Variants in FCRL4 observed in about 807,000 individuals in gnomAD.
FCRL4 encodes Fc receptor like 4.
A neutral mutation model predicts 64.1 loss-of-function variants in FCRL4; 43 were observed. The observed-to-expected ratio is 0.67, with a 90% CI of 0.53 to 0.87. The LOEUF (loss-of-function observed/expected upper bound fraction) is 0.87, where lower values mean the gene tolerates loss of function less well. Among genes scored for constraint, FCRL4 ranks in the 40% least tolerant of loss-of-function variants. The probability of loss-of-function intolerance (pLI) is 0.00; values close to 1 mark genes in which losing one functional copy is unlikely to be tolerated. For synonymous variants in FCRL4, 253 were observed against 239.8 expected, an observed-to-expected ratio of 1.05 and a Z score of -0.51; for missense variants, 656 against 613.5, an observed-to-expected ratio of 1.07 and a Z score of -0.73.
chr1:157,584,568 GCTCAGT>G (rs1188886632), intron 6 of FCRL4, among the ~76,000 whole-genome samples: 2 of 152,004 alleles, frequency 1.3e-5, no homozygotes, highest in South Asian at 2.1e-4. Context: ...AATGACATTA[GCTCAGT>G]CTCAGTCCTT....
Position 157,596,522 on chromosome 1 carries a change from T to C in FCRL4, c.32-174A>G, listed in dbSNP as rs189156114. Among the ~76,000 whole-genome samples, 90 of 152,286 alleles carry C rather than the reference T, an allele frequency of 5.9e-4. 1 individual carries two copies. The East Asian group carries it at 0.017, about 28-fold the overall frequency. On this transcript the variant is annotated intron_variant, in intron 1 of 11. Transcript: ENST00000271532. ...GTGGCCAGACGCTCAGGCTGTGGAC[T>C]CAGACAGTCTGGTTTGAATTTTAGC...
chr1:157,580,567 C>T (rs2779159), intron 7 of FCRL4: 207,670 of 543,618 alleles, frequency 0.38, 43,813 homozygotes, highest in African/African-American at 0.73. Context: ...ATGTAATTGT[C>T]TGAGAATTTA....
Position 157,581,535 on chromosome 1 carries a change from C to T in FCRL4, c.1245G>A (p.Lys415=). The change falls in exon 7 of 12, where the codon AAG becomes AAA. Residue 415 remains lysine (K), a synonymous_variant. Coordinates refer to ENST00000271532, the MANE Select transcript of FCRL4 (RefSeq NM_031282.3). ...GGCAAAGAAAAGAGCACAAACCTGA[C>T]TTCCTCCGACGCCAGCAGTGAAACA... The part of the protein sequence containing the change: ...ALLFHCWRRR[K]SGVGFLGDET... 1 of 1,613,816 alleles carries T rather than the reference C, an allele frequency of 6.2e-7. No individual in the cohort carries two copies. The highest frequency in any genetic ancestry group is 1.7e-5 in the Admixed American group (1 of 60,024).
intron 2 of FCRL4, among the ~76,000 whole-genome samples, chr1:157,590,518 C>A (rs1009751766): frequency 6.8e-5 from 9 of 132,392 alleles, no homozygotes; most frequent in East Asian, 4.3e-4. Context: ...GTTAGTCTGT[C>A]TTTTTTTTTT....
intron 5 of FCRL4, 39 bp from the exon 6 acceptor site, chr1:157,586,494 A>AAGG: frequency 6.4e-7 from 1 of 1,568,906 alleles, no homozygotes; most frequent in Non-Finnish European, 8.6e-7. Context: ...GTCGGGTGTG[A>AAGG]AGGAGGGCAG....
Position 157,589,323 on chromosome 1 carries a change from C to G in FCRL4, c.188G>C (p.Trp63Ser). 1 of 1,614,164 alleles carries G rather than the reference C, an allele frequency of 6.2e-7. No homozygotes were observed. The highest frequency in any genetic ancestry group is 8.5e-7 in the Non-Finnish European group (1 of 1,180,034). ...EKTTWYHRHY[W>S]GEKLTLTPGN... is the part of the protein sequence containing the mutation. The stretch of plus-strand genomic sequence containing the variant: ...TGGGGTCAGGGTCAACTTTTCTCCC[C>G]AGTAGTGCCGATGATACCATGTTGT... Residue 63 changes from tryptophan to serine, a missense_variant, in exon 3 of 12, where the codon TGG becomes TCG. Coordinates refer to ENST00000271532, the MANE Select transcript of FCRL4 (RefSeq NM_031282.3).
chr1:157,580,951 G>T lies in FCRL4; in HGVS notation c.1249+580C>A, dbSNP rs374184946. Among the ~76,000 whole-genome samples the T allele has an allele frequency of 2.4e-4, 36 of 152,312 alleles. No homozygotes were observed. The East Asian group carries it at 6.2e-3, about 26-fold the overall frequency. On this transcript the variant is annotated intron_variant, in intron 7 of 11. Coordinates refer to ENST00000271532, the MANE Select transcript of FCRL4 (RefSeq NM_031282.3). Reference sequence around the variant, plus strand: ...TGAGGCAAGAAGTCTTTGGAAGCACGCAGCAAACAGTGCCTGGGACAGACC... The same window carrying T: ...TGAGGCAAGAAGTCTTTGGAAGCACTCAGCAAACAGTGCCTGGGACAGACC...
At chr1:157,577,632 T>A (rs1652444820) in intron 10 of FCRL4, among the ~76,000 whole-genome samples, 1 of 152,156 alleles carries the variant, frequency 6.6e-6, no homozygotes, top group South Asian at 2.1e-4. Context: ...GACCAACAGT[T>A]CTGTTTTACT....
intron 10 of FCRL4, 30 bp downstream of exon 10, chr1:157,578,440 AGTTT>A (rs1652464106): frequency 1.3e-6 from 2 of 1,534,062 alleles, no homozygotes; most frequent in East Asian, 4.5e-5. Flanking sequence ...GAATGAATAT[AGTTT>A]GCAGCCAGAA....
chr1:157,589,218 A>G lies in FCRL4; in HGVS notation c.293T>C (p.Leu98Ser), dbSNP rs760293038. 6.2e-7 allele frequency: 1 copy of G among 1,613,228 alleles called. No individual in the cohort carries two copies. The highest frequency in any genetic ancestry group is 1.1e-5 in the South Asian group (1 of 91,000). ...RGSPRSNPVRLLFSSDSLILQ... is the reference protein window; with the variant it reads ...RGSPRSNPVRSLFSSDSLILQ... ...TTCTTTCTCACCTGAAGAAAAGAGC[A>G]AGCGCACAGGGTTACTTCGTGGGGA... The change falls in exon 3 of 12, where the codon TTG becomes TCG. Residue 98 changes from leucine (L) to serine (S), a missense_variant. Leu to Ser is a moderately radical substitution (Grantham distance 145, BLOSUM62 -2). Coordinates refer to ENST00000271532, the MANE Select transcript of FCRL4 (RefSeq NM_031282.3).
chr1:157,587,386 A>T lies in FCRL4; in HGVS notation c.737T>A (p.Leu246His). 1 of 1,614,208 alleles carries T rather than the reference A, an allele frequency of 6.2e-7. No homozygotes were observed. The highest frequency in any genetic ancestry group is 8.5e-7 in the Non-Finnish European group (1 of 1,180,036). The change falls in exon 5 of 12, where the codon CTC becomes CAC. Residue 246 changes from leucine (L) to histidine (H), a missense_variant. Coordinates refer to ENST00000271532, the MANE Select transcript of FCRL4 (RefSeq NM_031282.3). Reference sequence around the variant, plus strand: ...TTCTCTCCAGACGGTTGGGAGCTGGAGTTCCGGGTACGTGCTCCAGTCTGA... The same window carrying T: ...TTCTCTCCAGACGGTTGGGAGCTGGTGTTCCGGGTACGTGCTCCAGTCTGA... ...ILSDWSTYPE[L>H]QLPTVWRENS... is the part of the protein sequence containing the mutation.
intron 2 of FCRL4, among the ~76,000 whole-genome samples, chr1:157,591,006 A>G (rs2777961): frequency 6.6e-6 from 1 of 152,128 alleles, no homozygotes; most frequent in Non-Finnish European, 1.5e-5. Context: ...CCCCAAATAT[A>G]CCAATAAGGC....
intron 4 of FCRL4, 121 bp downstream of exon 4, chr1:157,587,744 A>G: frequency 1.7e-6 from 2 of 1,164,738 alleles, no homozygotes; most frequent in Non-Finnish European, 2.4e-6. Context: ...TCTGCCTCTT[A>G]GAGGATTTGT....
chr1:157,574,766 A>G lies in FCRL4; in HGVS notation c.*758T>C, dbSNP rs1652362600. 4.8e-6 allele frequency: 1 copy of G among 210,210 alleles called. No individual in the cohort carries two copies. Among genetic ancestry groups the G allele is most frequent in the African/African-American group, 2.3e-5 (1 of 44,080 alleles). 13.0% of individuals were successfully genotyped at this position (210,210 alleles called of 1,614,324 possible). On this transcript the variant is annotated 3_prime_UTR_variant, in exon 12 of 12. Transcript: ENST00000271532. ...GAGTTTATTATGAGTTTATACTAAT[A>G]TTTTAAGTTCAAATTTAGTTTTGGA...
In FCRL4 at chr1:157,587,928, A is replaced by G. The variant is rs374386066; in HGVS notation, c.499T>C (p.Cys167Arg). 1.6e-5 allele frequency: 25 copies of G among 1,611,864 alleles called. No homozygotes were observed. The highest frequency in any genetic ancestry group is 2.0e-5 in the Non-Finnish European group (24 of 1,178,460). ...ASSNNNGNYR[C>R]IGYGDENDVF... Reference sequence around the variant, plus strand: ...TCATTCTCGTCTCCATATCCAATGCATCGATAATTGCCATTGTTATTTGAA... The same window carrying G: ...TCATTCTCGTCTCCATATCCAATGCGTCGATAATTGCCATTGTTATTTGAA... The change falls in exon 4 of 12, where the codon TGC becomes CGC. Residue 167 changes from cysteine to arginine, a missense_variant. Coordinates refer to ENST00000271532, the MANE Select transcript of FCRL4 (RefSeq NM_031282.3).
chr1:157,590,899 T>C (rs1652824774), intron 2 of FCRL4, among the ~76,000 whole-genome samples: 1 of 152,146 alleles, frequency 6.6e-6, no homozygotes, highest in African/African-American at 2.4e-5. Flanking sequence ...CTTGCCCTCT[T>C]AAGGTTTGCT....
In FCRL4 at chr1:157,587,870, A is replaced by C; in HGVS notation, c.557T>G (p.Ile186Ser). 1.2e-6 allele frequency: 2 copies of C among 1,604,330 alleles called. No individual in the cohort carries two copies. The highest frequency in any genetic ancestry group is 1.7e-6 in the Non-Finnish European group (2 of 1,172,906). ...ATATGAACTGAAAGATTCACCTTGA[A>C]TTTTAATTATTTTGAAATTTGATCT... ...VFRSNFKIIK[I>S]QELFPHPELK... Residue 186 changes from isoleucine (I) to serine (S), a missense_variant, in exon 4 of 12, where the codon ATT becomes AGT. Physicochemically the swap from Ile to Ser is moderately radical, Grantham distance 142 (BLOSUM62 -2). Coordinates refer to ENST00000271532, the MANE Select transcript of FCRL4 (RefSeq NM_031282.3).
intron 2 of FCRL4, among the ~76,000 whole-genome samples, chr1:157,595,969 C>T (rs1046237476): frequency 6.6e-6 from 1 of 152,200 alleles, no homozygotes; most frequent in East Asian, 1.9e-4. Flanking sequence ...CCCAGCCTCC[C>T]CCTCTGAAGT....
chr1:157,585,346 CTTTCTTTCTTTCTTTCTT>C (rs1199875527), intron 6 of FCRL4, among the ~76,000 whole-genome samples: 1 of 29,968 alleles, frequency 3.3e-5, no homozygotes, highest in African/African-American at 8.4e-5. Flanking sequence ...TTCTCTCTCT[CTTTCTTTCTTTCTTTCTT>C]TCTTTCTTTC....
Sources: gnomAD v4.1 joint callset for allele counts (sites outside exome capture counted in the v4.1 genomes callset) on GRCh38, gnomAD v4.1.1 for gene constraint, MANE v1.5 for transcripts, NCBI Gene and HGNC (gene_info 2026-07-23, HGNC 2026-07-21) for gene names.